CAMTA1: variants seen among roughly 807,000 people sequenced by gnomAD.
CAMTA1 encodes calmodulin-binding transcription activator 1.
In CAMTA1, 27 loss-of-function variants were observed where a neutral mutation model predicts 170.9. The observed-to-expected ratio is 0.16, with a 90% CI of 0.12 to 0.22. The LOEUF (loss-of-function observed/expected upper bound fraction) is 0.22. CAMTA1 is among the 10% of genes least tolerant of loss of function. CAMTA1 has a pLI of 1.00. For synonymous variants in CAMTA1, 833 were observed against 891.5 expected (o/e 0.93, Z 1.17); for missense variants, 1,619 against 2,217.2 (o/e 0.73, Z 5.42).
chr1:7,565,227 C>T lies in CAMTA1; in HGVS notation c.511-75173C>T, dbSNP rs1219173177. On this transcript the variant is annotated intron_variant, in intron 6 of 22. Transcript: ENST00000303635. This position sits in a 1 kb window ranked among gnomAD's most constrained non-coding sequence, Gnocchi z 4.5. ...TCTCCATCTGTCCCTCCTCATTCCC[C>T]GGAGAAGCACCCAGAGAGATGTAGC... 1.3e-5 allele frequency among the ~76,000 whole-genome samples: 2 copies of T among 152,212 alleles called. No individual in the cohort carries two copies. Among genetic ancestry groups the T allele is most frequent in the East Asian group, 1.9e-4 (1 of 5,156 alleles).
At chr1:7,750,920 T>G in intron 19 of CAMTA1, 1 of 575,774 alleles carries the variant, frequency 1.7e-6, no homozygotes, top group South Asian at 1.6e-5. Flanking sequence ...CGTCTAAGGG[T>G]ATTGCTATTA....
rs17030770 is a variant in CAMTA1 at position 7,377,278 on chromosome 1, G to A, written c.439-90552G>A. Among the ~76,000 whole-genome samples, 227 of 152,338 alleles carry A rather than the reference G, an allele frequency of 1.5e-3. 5 individuals are homozygous for A. In the East Asian group the frequency reaches 0.036, roughly 24 times the overall value. On this transcript the variant is annotated intron_variant, in intron 5 of 22. Transcript: ENST00000303635. Reference sequence around the variant, plus strand: ...ACACCGTCCTCGCTATGGGGAGACAGACAAGTAATAAATGTGTAAGAGCAG... The same window carrying A: ...ACACCGTCCTCGCTATGGGGAGACAAACAAGTAATAAATGTGTAAGAGCAG...
chr1:6,845,837 C>T (rs910180308), intron 3 of CAMTA1, among the ~76,000 whole-genome samples: 4 of 152,268 alleles, frequency 2.6e-5, no homozygotes, highest in Admixed American at 1.3e-4. Context: ...TGTATTAGTC[C>T]GTTCTCATGC....
In CAMTA1 at chr1:7,472,449, C is replaced by T. The variant is rs372837423; in HGVS notation, c.510+4548C>T. Among the ~76,000 whole-genome samples, 11 of 152,256 alleles carry T rather than the reference C, an allele frequency of 7.2e-5. No individual in the cohort carries two copies. In the East Asian group the frequency reaches 7.7e-4, roughly 11 times the overall value. ...CTGGCTGGGCAGTGAGCCTCCACCA[C>T]GCACCACACTTCACCTGGGAGAAAA... On this transcript the variant is annotated intron_variant, in intron 6 of 22. Transcript: ENST00000303635.
chr1:7,085,987 G>T (rs941987183), intron 3 of CAMTA1, among the ~76,000 whole-genome samples: 1 of 152,112 alleles, frequency 6.6e-6, no homozygotes, highest in African/African-American at 2.4e-5. Flanking sequence ...CCTTGGGGAA[G>T]GGCCCACCTG....
intron 5 of CAMTA1, among the ~76,000 whole-genome samples, chr1:7,358,324 A>G (rs1160998661): frequency 6.6e-6 from 1 of 152,260 alleles, no homozygotes; most frequent in Non-Finnish European, 1.5e-5. Flanking sequence ...AAGTCATGGA[A>G]GCAGACACTA....
chr1:7,410,843 TA>T (rs770645865), intron 5 of CAMTA1, among the ~76,000 whole-genome samples: 8 of 152,106 alleles, frequency 5.3e-5, no homozygotes, highest in Non-Finnish European at 1.2e-4. Context: ...AGATACTTGC[TA>T]GTTGTGTCAC....
intron 3 of CAMTA1, among the ~76,000 whole-genome samples, chr1:6,911,090 C>G (rs1288600993): frequency 1.3e-5 from 2 of 152,218 alleles, no homozygotes; most frequent in African/African-American, 4.8e-5. Context: ...CCTGTGCCTA[C>G]CACTCCTGGC....
intron 3 of CAMTA1, among the ~76,000 whole-genome samples, chr1:6,926,847 C>T (rs1409124349): frequency 1.3e-5 from 2 of 151,902 alleles, no homozygotes; most frequent in African/African-American, 4.8e-5. Flanking sequence ...CCTCCGACCT[C>T]AACCTCCAAA....
intron 3 of CAMTA1, among the ~76,000 whole-genome samples, chr1:6,954,711 AG>A (rs1280335809): frequency 6.6e-6 from 1 of 152,172 alleles, no homozygotes; most frequent in Non-Finnish European, 1.5e-5. Flanking sequence ...TAAATCCTCA[AG>A]GACCGCGAGT....
At chr1:6,933,569 G>A (rs188532373) in intron 3 of CAMTA1, among the ~76,000 whole-genome samples, 83 of 151,706 alleles carry the variant, frequency 5.5e-4, no homozygotes, top group African/African-American at 2.0e-3. Context: ...CTTCTCCTAT[G>A]TTTTCGTCTC....
chr1:7,089,956 A>T (rs1188593726), intron 3 of CAMTA1, among the ~76,000 whole-genome samples: 1 of 152,220 alleles, frequency 6.6e-6, no homozygotes, highest in Non-Finnish European at 1.5e-5. Context: ...TCAGCTGCTT[A>T]TTTATGATTT....
intron 6 of CAMTA1, among the ~76,000 whole-genome samples, chr1:7,573,796 CAG>C (rs774205007): frequency 8.5e-5 from 13 of 152,128 alleles, no homozygotes; most frequent in Non-Finnish European, 1.8e-4. Flanking sequence ...TGTTTTGAGA[CAG>C]AGTCTCGCTC....
chr1:6,831,039 C>T (rs912530783), intron 3 of CAMTA1, among the ~76,000 whole-genome samples: 1 of 151,184 alleles, frequency 6.6e-6, no homozygotes, highest in African/African-American at 2.4e-5. Context: ...AGGATGGTCT[C>T]GATCTCCTGA....
At chr1:7,127,247 CTTT>C (rs61211407) in intron 4 of CAMTA1, among the ~76,000 whole-genome samples, 22 of 73,492 alleles carry the variant, frequency 3.0e-4, no homozygotes, top group East Asian at 2.0e-3. Context: ...GCCAGAGGGG[CTTT>C]TTTTTTTTTT....
intron 7 of CAMTA1, among the ~76,000 whole-genome samples, chr1:7,660,536 CA>C (rs1021856892): frequency 2.0e-5 from 3 of 151,728 alleles, no homozygotes; most frequent in African/African-American, 7.3e-5. Context: ...ACACCTGTTT[CA>C]AAAAAAATAA....
intron 3 of CAMTA1, among the ~76,000 whole-genome samples, chr1:6,897,254 TG>T (rs150288150): frequency 6.6e-6 from 1 of 152,080 alleles, no homozygotes; most frequent in African/African-American, 2.4e-5. Context: ...GGTGGGAAGA[TG>T]GGGGTGGAAA....
At chr1:7,618,888 C>CT (rs574508279) in intron 6 of CAMTA1, among the ~76,000 whole-genome samples, 40 of 149,244 alleles carry the variant, frequency 2.7e-4, no homozygotes, top group Non-Finnish European at 3.7e-4. Flanking sequence ...TAGAGCCATC[C>CT]TTTTTTTTTT....
intron 5 of CAMTA1, among the ~76,000 whole-genome samples, chr1:7,337,595 A>AGCCTCATCCAATCACAGTGTGGGCG (rs1301738490): frequency 2.4e-5 from 3 of 123,470 alleles, no homozygotes; most frequent in Admixed American, 8.1e-5. Flanking sequence ...CAGTGTGGGC[A>AGCCTCATCCAATCACAGTGTGGGCG]GTGGGCCTCA....
Sources: gnomAD v4.1 joint callset for allele counts (sites outside exome capture counted in the v4.1 genomes callset) on GRCh38, gnomAD v4.1.1 for gene constraint, Gnocchi (gnomAD v3.1) non-coding constraint, MANE v1.5 for transcripts, NCBI Gene and HGNC (gene_info 2026-07-23, HGNC 2026-07-21) for gene names.